Variants in NRXN3 observed in about 807,000 individuals in gnomAD.
NRXN3 encodes neurexin III.
NRXN3 carries 32 observed loss-of-function variants against 137.6 expected under a neutral mutation model. The observed-to-expected ratio is 0.23, with a 90% confidence interval of 0.18 to 0.31. The LOEUF (loss-of-function observed/expected upper bound fraction) is 0.31. NRXN3 is among the 10% of genes least tolerant of loss of function. NRXN3 has a pLI of 1.00. For missense variants in NRXN3, 1,574 were observed against 2,062.5 expected (o/e 0.76, Z 4.59); for synonymous variants, 798 against 784.5 (o/e 1.02, Z -0.29).
intron 1 of NRXN3, among the ~76,000 whole-genome samples, chr14:78,196,356 G>C (rs938173662): frequency 6.6e-6 from 1 of 152,232 alleles, no homozygotes; most frequent in Admixed American, 6.5e-5. Context: ...TTATAGGTTA[G>C]GAATTATGCT....
intron 1 of NRXN3, among the ~76,000 whole-genome samples, chr14:78,205,799 G>A (rs2062129443): frequency 6.6e-6 from 1 of 152,176 alleles, no homozygotes; most frequent in Admixed American, 6.5e-5. Flanking sequence ...TCTAAGGAAA[G>A]GAGTTGTGTG....
chr14:78,926,909 AATATATATATAATATATAATATATTTAT>A (rs1282245978), intron 10 of NRXN3, among the ~76,000 whole-genome samples: 9 of 28,850 alleles, frequency 3.1e-4, no homozygotes, highest in African/African-American at 3.5e-4. Context: ...TAATATATAT[AATATATATATAATATATAATATATTTAT>A]ATATATATAT....
At chr14:78,686,033 T>C (rs925528013) in intron 6 of NRXN3, among the ~76,000 whole-genome samples, 7 of 152,030 alleles carry the variant, frequency 4.6e-5, no homozygotes, top group Non-Finnish European at 8.8e-5. Flanking sequence ...GCACTCCTTC[T>C]TCCGTTTAGC....
chr14:79,304,925 C>T (rs529289668), intron 15 of NRXN3, among the ~76,000 whole-genome samples: 1 of 152,122 alleles, frequency 6.6e-6, no homozygotes, highest in Non-Finnish European at 1.5e-5. Context: ...GACTCTGTCC[C>T]TAAAGCATCT....
chr14:79,207,425 A>G (rs2153223641), intron 15 of NRXN3, among the ~76,000 whole-genome samples: 1 of 152,348 alleles, frequency 6.6e-6, no homozygotes, highest in East Asian at 1.9e-4. Flanking sequence ...AAGAGACTGA[A>G]GTAGGAATAG....
intron 2 of NRXN3, among the ~76,000 whole-genome samples, chr14:78,273,540 C>A (rs2073110955): frequency 6.6e-6 from 1 of 152,162 alleles, no homozygotes; most frequent in African/African-American, 2.4e-5. Context: ...GCCTTGCTGC[C>A]TCCCCATTTC....
chr14:78,986,232 C>A (rs2099504003), intron 14 of NRXN3, among the ~76,000 whole-genome samples: 1 of 152,072 alleles, frequency 6.6e-6, no homozygotes, highest in Non-Finnish European at 1.5e-5. Flanking sequence ...CTGTCAAGTG[C>A]TTTTATGCAT....
intron 15 of NRXN3, among the ~76,000 whole-genome samples, chr14:79,435,838 T>C (rs1465925420): frequency 6.6e-6 from 1 of 152,114 alleles, no homozygotes; most frequent in African/African-American, 2.4e-5. Context: ...CTCCCTGTGT[T>C]GCCCAGGCTG....
chr14:78,360,185 C>T, intron 4 of NRXN3, among the ~76,000 whole-genome samples: 1 of 152,226 alleles, frequency 6.6e-6, no homozygotes, highest in Non-Finnish European at 1.5e-5. Context: ...CCATCCTGAG[C>T]TTCTCTAGGG....
chr14:78,720,415 T>C (rs73317925), intron 8 of NRXN3, among the ~76,000 whole-genome samples: 2,140 of 152,318 alleles, frequency 0.014, 52 homozygotes, highest in African/African-American at 0.049. Context: ...TGAAGTCCTG[T>C]TGGACTTAAT....
intron 15 of NRXN3, among the ~76,000 whole-genome samples, chr14:79,244,837 C>A (rs940233360): frequency 1.3e-5 from 2 of 152,100 alleles, no homozygotes; most frequent in African/African-American, 4.8e-5. Flanking sequence ...TTGTATGTAT[C>A]TTTTAAGTCT....
chr14:78,851,324 AT>A (rs543606068), intron 10 of NRXN3, among the ~76,000 whole-genome samples: 199 of 152,272 alleles, frequency 1.3e-3, no homozygotes, highest in Non-Finnish European at 2.2e-3. Flanking sequence ...CAAGATGCCA[AT>A]GGGATGTCAC....
intron 4 of NRXN3, among the ~76,000 whole-genome samples, chr14:78,619,022 C>CT (rs1601456957): frequency 6.6e-6 from 1 of 152,276 alleles, no homozygotes; most frequent in East Asian, 1.9e-4. Context: ...CATAGTTGAC[C>CT]TTCAAACCCA....
At position 79,646,059 on chromosome 14, in the gene NRXN3, CAGTTTGTTAACTAA is replaced by C. The variant is rs951878305; in HGVS notation, c.3445-17717_3445-17704del. ...AAGAGCACTGATTTCTATGATGTCT[CAGTTTGTTAACTAA>C]ATTGCAGGTTGTACTGCTTGGCCAG... is the stretch of plus-strand genomic sequence containing the variant. On this transcript the variant is annotated intron_variant, in intron 16 of 20. Transcript: ENST00000335750. Among the ~76,000 whole-genome samples the C allele has an allele frequency of 5.8e-4, 79 of 136,276 alleles. 7 individuals carry two copies. The highest frequency in any genetic ancestry group is 1.6e-3 in the African/African-American group (67 of 40,978). 89.4% of individuals were successfully genotyped at this position (136,276 alleles called of 152,430 possible). A position where few individuals can be genotyped will look rare whatever the true frequency, so the allele number is the denominator to read the frequency against.
In NRXN3 at chr14:78,910,962, C is replaced by T. The variant is rs147494613; in HGVS notation, c.2276-46280C>T. 8.0e-3 allele frequency among the ~76,000 whole-genome samples: 1,213 copies of T among 152,240 alleles called. 10 individuals are homozygous for T. The highest frequency in any genetic ancestry group is 0.028 in the African/African-American group (1,146 of 41,542). ...GGATATTTGAAAACTAAATCCAGAA[C>T]CTGAATTTATCCTCAATAAATTTGA... is the stretch of plus-strand genomic sequence containing the variant. On this transcript the variant is annotated intron_variant, in intron 10 of 20. Transcript: ENST00000335750.
intron 10 of NRXN3, among the ~76,000 whole-genome samples, chr14:78,817,560 C>T (rs2098937624): frequency 6.6e-6 from 1 of 152,112 alleles, no homozygotes; most frequent in Non-Finnish European, 1.5e-5. Flanking sequence ...ATTCTGGTGG[C>T]TGAAAGTTTC....
intron 4 of NRXN3, among the ~76,000 whole-genome samples, chr14:78,639,258 T>C (rs752291772): frequency 5.9e-5 from 9 of 152,314 alleles, no homozygotes; most frequent in Admixed American, 2.0e-4. Flanking sequence ...CAGACTAAAG[T>C]ACTGCACTGT....
chr14:78,936,912 G>A (rs2099341781), intron 10 of NRXN3, among the ~76,000 whole-genome samples: 1 of 151,858 alleles, frequency 6.6e-6, no homozygotes, highest in African/African-American at 2.4e-5. Context: ...AATCTTCAAG[G>A]CACTTTTCAA....
chr14:78,868,053 C>T (rs1374653417), intron 10 of NRXN3, among the ~76,000 whole-genome samples: 2 of 147,184 alleles, frequency 1.4e-5, no homozygotes, highest in Non-Finnish European at 3.0e-5. Context: ...ATAAAATATA[C>T]TTAATTTTAC....
Sources: gnomAD v4.1 joint callset for allele counts (sites outside exome capture counted in the v4.1 genomes callset) on GRCh38, gnomAD v4.1.1 for gene constraint, MANE v1.5 for transcripts, NCBI Gene and HGNC (gene_info 2026-07-23, HGNC 2026-07-21) for gene names.